BICC1: variants seen among roughly 807,000 people sequenced by gnomAD.
The protein encoded by BICC1 is protein bicaudal C homolog 1.
Under a neutral mutation model 111.0 loss-of-function variants are expected in BICC1, and 43 were observed. The observed-to-expected ratio is 0.39, with a 90% CI of 0.30 to 0.50. The LOEUF (loss-of-function observed/expected upper bound fraction) is 0.50. Ranked by LOEUF, BICC1 falls within the 20% of genes least tolerant of loss-of-function variation. The pLI, the probability that BICC1 is intolerant of heterozygous loss-of-function variation, is 0.88. For missense variants in BICC1, 1,091 were observed against 1,203.2 expected, an observed-to-expected ratio of 0.91 and a Z score of 1.38; for synonymous variants, 467 against 434.4, an observed-to-expected ratio of 1.07 and a Z score of -0.93.
intron 3 of BICC1, among the ~76,000 whole-genome samples, chr10:58,746,155 A>C (rs937965257): frequency 6.6e-6 from 1 of 152,052 alleles, no homozygotes; most frequent in Non-Finnish European, 1.5e-5. Context: ...AGCAGTTATA[A>C]CGATGTGGAC....
chr10:58,687,631 C>A (rs1476652548), intron 2 of BICC1, among the ~76,000 whole-genome samples: 1 of 152,218 alleles, frequency 6.6e-6, no homozygotes, highest in Non-Finnish European at 1.5e-5. Flanking sequence ...GCTGTGCTGG[C>A]AGTGAGTGAG....
chr10:58,777,471 T>C (rs1330252644), intron 3 of BICC1, among the ~76,000 whole-genome samples: 4 of 152,178 alleles, frequency 2.6e-5, no homozygotes, highest in African/African-American at 9.7e-5. Context: ...TTGGTAGCTC[T>C]TTTTTATCCA....
At chr10:58,545,811 C>T (rs1843123671) in intron 1 of BICC1, among the ~76,000 whole-genome samples, 1 of 152,066 alleles carries the variant, frequency 6.6e-6, no homozygotes, top group Non-Finnish European at 1.5e-5. Flanking sequence ...GTGTTTACTA[C>T]CTCCAACCAA....
intron 3 of BICC1, among the ~76,000 whole-genome samples, chr10:58,783,250 G>A (rs1483626376): frequency 6.6e-6 from 1 of 152,142 alleles, no homozygotes; most frequent in African/African-American, 2.4e-5. Context: ...ACAGCTGCTG[G>A]ACATCTCCCC....
chr10:58,823,356 G>T, intron 20 of BICC1: 1 of 985,318 alleles, frequency 1.0e-6, no homozygotes, highest in Middle Eastern at 5.2e-4. Flanking sequence ...TATTAGAGGA[G>T]TTTGCCTTAT....
Position 58,800,941 on chromosome 10 carries a change from C to A in BICC1, c.1910C>A (p.Ser637Tyr), listed in dbSNP as rs750664643. ...GGCATGCCTCGAAGTCCTTCCCATTCTGGGAATGCTGGTGACTTGAAACAG... is the reference window on the plus strand; with the variant it reads ...GGCATGCCTCGAAGTCCTTCCCATTATGGGAATGCTGGTGACTTGAAACAG... Reference protein sequence around the residue: ...EVGMPRSPSHSGNAGDLKQMM... With the variant: ...EVGMPRSPSHYGNAGDLKQMM... Residue 637 changes from serine to tyrosine, a missense_variant, in exon 14 of 21, where the codon TCT becomes TAT. By Grantham distance (144) the Ser-to-Tyr change is moderately radical. Transcript: ENST00000373886. The A allele has an allele frequency of 6.8e-6, 11 of 1,609,362 alleles. No homozygotes were observed. The Admixed American group carries it at 1.5e-4, about 22-fold the overall frequency.
intron 1 of BICC1, among the ~76,000 whole-genome samples, chr10:58,604,676 A>G (rs1041822200): frequency 6.6e-6 from 1 of 152,132 alleles, no homozygotes; most frequent in Admixed American, 6.5e-5. Flanking sequence ...AAATTAAGCA[A>G]AGCATAATTT....
intron 2 of BICC1, among the ~76,000 whole-genome samples, chr10:58,680,180 A>G (rs1839473435): frequency 6.6e-6 from 1 of 152,218 alleles, no homozygotes; most frequent in Non-Finnish European, 1.5e-5. Context: ...GGCCAGGGCA[A>G]TCAGGCAAGA....
At chr10:58,685,425 T>G (rs557744018) in intron 2 of BICC1, among the ~76,000 whole-genome samples, 1 of 152,340 alleles carries the variant, frequency 6.6e-6, no homozygotes, top group East Asian at 1.9e-4. Flanking sequence ...ATATCCTTGT[T>G]AACTTTTTGT....
Position 58,801,041 on chromosome 10 carries a change from C to G in BICC1, c.2010C>G (p.His670Gln), listed in dbSNP as rs377010255. Residue 670 changes from histidine to glutamine, a missense_variant, in exon 14 of 21, where the codon CAC (histidine) becomes CAG (glutamine). His to Gln is a conservative substitution (Grantham distance 24, BLOSUM62 0). Transcript: ENST00000373886. The part of the protein sequence containing the change: ...VELLQGTKNS[H>Q]LHSTDRLLSD... ...TATTGCAAGGCACGAAAAACTCACA[C>G]TTACAGTATGTATTTTAATCTTTAA... 33 of 1,599,100 alleles carry G rather than the reference C, an allele frequency of 2.1e-5. No individual in the cohort carries two copies. Among genetic ancestry groups the G allele is most frequent in the Non-Finnish European group, 2.7e-5 (32 of 1,174,550 alleles).
chr10:58,530,502 A>G (rs772914827), intron 1 of BICC1, among the ~76,000 whole-genome samples: 4 of 151,734 alleles, frequency 2.6e-5, no homozygotes, highest in Admixed American at 2.0e-4. Flanking sequence ...GATATCTAAC[A>G]AGCTCCTAGG....
intron 3 of BICC1, among the ~76,000 whole-genome samples, chr10:58,709,809 T>C (rs1277979806): frequency 2.6e-5 from 4 of 152,178 alleles, no homozygotes; most frequent in Non-Finnish European, 5.9e-5. Context: ...GTCCTAATGA[T>C]GACTGCCTGC....
chr10:58,522,464 A>G, intron 1 of BICC1, among the ~76,000 whole-genome samples: 1 of 152,172 alleles, frequency 6.6e-6, no homozygotes, highest in South Asian at 2.1e-4. Context: ...TACTGGGTAC[A>G]TAATGAAATG....
In BICC1 at chr10:58,513,174, G is replaced by C. The variant is rs1185638207; in HGVS notation, c.31G>C (p.Ala11Pro). 3 of 1,572,740 alleles carry C rather than the reference G, an allele frequency of 1.9e-6. No homozygotes were observed. The highest frequency in any genetic ancestry group is 2.6e-6 in the Non-Finnish European group (3 of 1,162,042). The change falls in exon 1 of 21, where the codon GCG becomes CCG. Residue 11 changes from alanine to proline, a missense_variant. This residue lies in a region of BICC1 where 843 missense variants were observed against 900.8 expected (regional missense o/e 0.94). Coordinates refer to ENST00000373886, the MANE Select transcript of BICC1 (RefSeq NM_001080512.3). ...CGCCCAGGGAGAGCCCGGCTACCTGGCGGCGCAGTCGGACCCCGGCTCCAA... is the reference window on the plus strand; with the variant it reads ...CGCCCAGGGAGAGCCCGGCTACCTGCCGGCGCAGTCGGACCCCGGCTCCAA... MAAQGEPGYL[A>P]AQSDPGSNSE...
chr10:58,587,071 G>A (rs1056660446), intron 1 of BICC1, among the ~76,000 whole-genome samples: 43 of 152,254 alleles, frequency 2.8e-4, no homozygotes, highest in African/African-American at 8.7e-4. Flanking sequence ...TGAGTGCCAC[G>A]TATGTCTCAT....
intron 1 of BICC1, among the ~76,000 whole-genome samples, chr10:58,592,530 G>A (rs915055132): frequency 4.8e-4 from 69 of 144,980 alleles, no homozygotes; most frequent in Non-Finnish European, 1.4e-4. Context: ...GGCTAACACG[G>A]TGAAACCCCG....
intron 1 of BICC1, among the ~76,000 whole-genome samples, chr10:58,603,046 C>T (rs1407185116): frequency 1.3e-5 from 2 of 152,128 alleles, no homozygotes; most frequent in Non-Finnish European, 2.9e-5. Flanking sequence ...TTTAATAGAT[C>T]AAGTTTAGAA....
Position 58,592,710 on chromosome 10 carries a change from G to A in BICC1, c.191-28145G>A, listed in dbSNP as rs372171304. On this transcript the variant is annotated intron_variant, in intron 1 of 20. Coordinates refer to ENST00000373886, the MANE Select transcript of BICC1 (RefSeq NM_001080512.3). Reference sequence around the variant, plus strand: ...AGCCTGGGTGACAGAGTGAGACTCCGTGTGAAAAAAAAAAAAAATAGCTGG... The same window carrying A: ...AGCCTGGGTGACAGAGTGAGACTCCATGTGAAAAAAAAAAAAAATAGCTGG... 1.6e-3 allele frequency among the ~76,000 whole-genome samples: 238 copies of A among 147,672 alleles called. 2 individuals carry two copies. The highest frequency in any genetic ancestry group is 5.6e-3 in the African/African-American group (222 of 39,898).
intron 2 of BICC1, among the ~76,000 whole-genome samples, chr10:58,671,089 G>A (rs190931867): frequency 2.6e-5 from 4 of 152,204 alleles, no homozygotes; most frequent in Admixed American, 2.6e-4. Context: ...TCCCATGTAA[G>A]GCGGTTTCCC....
Sources: gnomAD v4.1 joint callset for allele counts (sites outside exome capture counted in the v4.1 genomes callset) on GRCh38, gnomAD v4.1.1 for gene constraint, gnomAD v4.1.1 regional missense constraint, MANE v1.5 for transcripts, NCBI Gene and HGNC (gene_info 2026-07-23, HGNC 2026-07-21) for gene names.